The following FAM200B variants were observed in gnomAD, a reference collection of about 807,000 sequenced individuals.
The protein encoded by FAM200B is zinc finger BED-type containing 11, also known as protein FAM200B.
In FAM200B, 32 loss-of-function variants were observed where a neutral mutation model predicts 33.1. The ratio of observed to expected loss-of-function variants is 0.97; its 90% CI spans 0.73 to 1.30. The LOEUF is 1.30. Among genes scored for constraint, FAM200B ranks in the 50% most tolerant of loss-of-function variants. FAM200B has a pLI of 0.00. For synonymous variants in FAM200B, 240 were observed against 264.8 expected (o/e 0.91, Z 0.91); for missense variants, 741 against 754.0 (o/e 0.98, Z 0.20).
chr4:15,655,484 C>G, the FAM200B span: 1 of 743,872 alleles, frequency 1.3e-6, no homozygotes, highest in Non-Finnish European at 1.6e-6. Context: ...CGTGACCGGG[C>G]GCGCGCAGAG....
chr4:15,674,762 G>A, the FAM200B span, among the ~76,000 whole-genome samples: 4 of 151,404 alleles, frequency 2.6e-5, no homozygotes, highest in African/African-American at 9.7e-5. Context: ...CTATTCTCCT[G>A]CCTCAGCCTC....
chr4:15,659,810 C>G, the FAM200B span: 5 of 837,304 alleles, frequency 6.0e-6, no homozygotes, highest in Non-Finnish European at 7.2e-6. Flanking sequence ...TATGGGCTGA[C>G]TTGTAGGGAG....
chr4:15,638,780 T>A, the FAM200B span: 1 of 802,810 alleles, frequency 1.2e-6, no homozygotes, highest in Non-Finnish European at 1.9e-6. Flanking sequence ...ATGGCTCGAA[T>A]GTCGTATTAT....
chr4:15,685,319 G>A (rs1051181811), intron 1 of FAM200B, among the ~76,000 whole-genome samples: 3 of 152,142 alleles, frequency 2.0e-5, no homozygotes, highest in African/African-American at 7.2e-5. Flanking sequence ...AGGGTCAATG[G>A]GGAGAGGAAG....
chr4:15,672,041 C>A, the FAM200B span, among the ~76,000 whole-genome samples: 2 of 152,168 alleles, frequency 1.3e-5, no homozygotes, highest in Admixed American at 1.3e-4. Context: ...GTGGATTTTA[C>A]CTTTCTAGGT....
the FAM200B span, chr4:15,638,402 G>A: frequency 1.5e-6 from 1 of 689,284 alleles, no homozygotes; most frequent in Non-Finnish European, 2.3e-6. Context: ...TGACCACAGT[G>A]CAGGCCTAAC....
chr4:15,685,278 A>T (rs1333951756), intron 1 of FAM200B, among the ~76,000 whole-genome samples: 3 of 152,158 alleles, frequency 2.0e-5, no homozygotes, highest in African/African-American at 7.2e-5. Context: ...GGCACCTTAC[A>T]CCATGCAAGG....
the FAM200B span, among the ~76,000 whole-genome samples, chr4:15,640,252 G>A: frequency 6.6e-6 from 1 of 151,394 alleles, no homozygotes; most frequent in Non-Finnish European, 1.5e-5. Flanking sequence ...ATTTTTCCCA[G>A]GCTGGTCTTG....
the FAM200B span, among the ~76,000 whole-genome samples, chr4:15,652,926 G>A: frequency 0.072 from 11,032 of 152,194 alleles, 491 homozygotes; most frequent in Middle Eastern, 0.099. Flanking sequence ...ACCAAAGGAT[G>A]GCAAAACGTG....
the FAM200B span, among the ~76,000 whole-genome samples, chr4:15,673,550 A>C: frequency 1.2e-4 from 18 of 152,352 alleles, no homozygotes; most frequent in South Asian, 1.5e-3. Flanking sequence ...ACTAGGTGGT[A>C]GGAATTTTCC....
the FAM200B span, among the ~76,000 whole-genome samples, chr4:15,643,263 T>A: frequency 6.6e-6 from 1 of 152,348 alleles, no homozygotes; most frequent in East Asian, 1.9e-4. Context: ...CTTTTCTTTA[T>A]CTTTAATCCA....
upstream of FAM200B, among the ~76,000 whole-genome samples, chr4:15,677,319 C>T (rs879611585): frequency 5.9e-5 from 9 of 152,122 alleles, no homozygotes; most frequent in South Asian, 4.1e-4. Context: ...GCTCCTAAAA[C>T]CCTTGGAATT....
Position 15,690,033 on chromosome 4 carries a change from G to A in FAM200B, c.*1082G>A, listed in dbSNP as rs1198480782. 2 of 167,050 alleles carry A rather than the reference G, an allele frequency of 1.2e-5. No individual in the cohort carries two copies. The highest frequency in any genetic ancestry group is 2.9e-5 in the Non-Finnish European group (2 of 68,106). The allele number at this position is 167,050 out of a possible 1,614,324, so 10.3% of individuals were successfully genotyped here. ...AATACACATTTGCTAAAGAATAAAT[G>A]AATCAATAATACCTAACATCTCTAA... is the stretch of plus-strand genomic sequence containing the variant. On this transcript the variant is annotated 3_prime_UTR_variant, in exon 2 of 2. Transcript: ENST00000422728.
the FAM200B span, among the ~76,000 whole-genome samples, chr4:15,663,882 CTAATA>C: frequency 2.0e-5 from 3 of 152,116 alleles, no homozygotes; most frequent in Non-Finnish European, 4.4e-5. Flanking sequence ...CTTACCCTGG[CTAATA>C]TAATGACAGC....
chr4:15,646,948 C>T, the FAM200B span, among the ~76,000 whole-genome samples: 1 of 151,932 alleles, frequency 6.6e-6, no homozygotes, highest in Non-Finnish European at 1.5e-5. Context: ...AAAGGCTGGG[C>T]ATGGTGGCTC....
chr4:15,653,997 G>A, the FAM200B span, among the ~76,000 whole-genome samples: 4 of 152,138 alleles, frequency 2.6e-5, no homozygotes, highest in Non-Finnish European at 4.4e-5. Flanking sequence ...ATGTGAACTG[G>A]GTGTTTCTAA....
Position 15,688,745 on chromosome 4 carries a change from G to A in FAM200B, c.1768G>A (p.Asp590Asn). The A allele has an allele frequency of 1.9e-6, 3 of 1,550,186 alleles. No individual in the cohort carries two copies. Among genetic ancestry groups the A allele is most frequent in the Non-Finnish European group, 2.6e-6 (3 of 1,145,784 alleles). Residue 590 changes from aspartate to asparagine, a missense_variant, in exon 2 of 2, where the codon GAC becomes AAC. Asp to Asn is a conservative substitution (Grantham distance 23). Transcript: ENST00000422728. ...AGCATTTTGGATGAAGGTAAAGGAAGACTTTCCATTGTTAAGTAGAAAGAG... is the reference window on the plus strand; with the variant it reads ...AGCATTTTGGATGAAGGTAAAGGAAAACTTTCCATTGTTAAGTAGAAAGAG... Reference protein sequence around the residue: ...LSAFWMKVKEDFPLLSRKSVL... With the variant: ...LSAFWMKVKENFPLLSRKSVL...
chr4:15,641,026 TA>T, the FAM200B span: 5 of 485,154 alleles, frequency 1.0e-5, no homozygotes, highest in Admixed American at 1.3e-4. Flanking sequence ...ACTTTTAACA[TA>T]AAAGATACCC....
rs1398287813 is a variant in FAM200B at position 15,687,498 on chromosome 4, C to T, written c.521C>T (p.Ala174Val). ...GCTGCTGAAAAAATTATTCTTCCAG[C>T]ATGTTTGGATATGGTGCGTACAATA... is the stretch of plus-strand genomic sequence containing the variant. Reference protein sequence around the residue: ...NTAAEKIILPACLDMVRTIFD... With the variant: ...NTAAEKIILPVCLDMVRTIFD... Residue 174 changes from alanine (A) to valine (V), a missense_variant, in exon 2 of 2, where the codon GCA (alanine) becomes GTA (valine). Transcript: ENST00000422728. The T allele has an allele frequency of 1.3e-6, 2 of 1,550,942 alleles. No homozygotes were observed. The highest frequency in any genetic ancestry group is 8.7e-7 in the Non-Finnish European group (1 of 1,146,768).
Sources: allele counts gnomAD v4.1 joint callset (sites outside exome capture counted in the v4.1 genomes callset), GRCh38; gene constraint gnomAD v4.1.1; transcripts MANE v1.5; gene names NCBI Gene and HGNC (gene_info 2026-07-23, HGNC 2026-07-21).